The following PRDM15 variants were observed in gnomAD, a reference collection of about 807,000 sequenced individuals.
PRDM15 encodes the protein PR domain zinc finger protein 15.
Under a neutral mutation model 128.6 loss-of-function variants are expected in PRDM15, and 64 were observed. The observed-to-expected ratio is 0.50, with a 90% CI of 0.41 to 0.61. PRDM15 has a LOEUF of 0.61. Among genes scored for constraint, PRDM15 ranks in the 20% least tolerant of loss-of-function variants. The pLI, the probability that PRDM15 is intolerant of heterozygous loss-of-function variation, is 0.00. For synonymous variants in PRDM15, 615 were observed against 621.8 expected (o/e 0.99, Z 0.16); for missense variants, 1,242 against 1,569.1 (o/e 0.79, Z 3.52).
intron 6 of PRDM15, among the ~76,000 whole-genome samples, chr21:41,844,582 C>T: frequency 1.1e-5 from 1 of 89,876 alleles, no homozygotes; most frequent in Admixed American, 1.1e-4. Flanking sequence ...AGCCCCTCCC[C>T]CCTCACAGGG....
chr21:41,822,145 CCT>C (rs1280556390), intron 14 of PRDM15, 108 bp from the exon 15 acceptor site: 4 of 1,478,506 alleles, frequency 2.7e-6, no homozygotes, highest in South Asian at 2.3e-5. Context: ...GAAGAAAATG[CCT>C]CTCTGATGCC....
chr21:41,873,652 T>C (rs757196471), intron 1 of PRDM15, among the ~76,000 whole-genome samples: 6 of 152,362 alleles, frequency 3.9e-5, no homozygotes, highest in African/African-American at 1.4e-4. Flanking sequence ...GTTCTCACTT[T>C]CTGAACCTCT....
In PRDM15 at chr21:41,835,430, C is replaced by A; in HGVS notation, c.1366+7G>T. ...CGGCCGAGGGGAGACGTGACCGGCG[C>A]CCTCACCTGTCCTGCAGTTGTGGAA... On this transcript the variant is annotated splice_region_variant and intron_variant, in intron 11 of 23. Transcript: ENST00000398548. 1.2e-6 allele frequency: 2 copies of A among 1,604,536 alleles called. No individual in the cohort carries two copies. The highest frequency in any genetic ancestry group is 1.7e-6 in the Non-Finnish European group (2 of 1,177,200).
chr21:41,858,879 C>T (rs2063721494), intron 3 of PRDM15: 1 of 599,244 alleles, frequency 1.7e-6, no homozygotes. Flanking sequence ...TGGGGAGGCT[C>T]CTGGAAACAG....
intron 18 of PRDM15, 98 bp downstream of exon 18, chr21:41,819,484 T>G: frequency 5.8e-5 from 14 of 242,694 alleles, no homozygotes; most frequent in Non-Finnish European, 8.6e-5. Context: ...CACACCCACC[T>G]TCCCCACACT....
chr21:41,801,296 C>T lies in PRDM15; in HGVS notation c.3370G>A (p.Ala1124Thr). 1.9e-6 allele frequency: 3 copies of T among 1,560,858 alleles called. No individual in the cohort carries two copies. The South Asian group carries it at 3.7e-5, about 19-fold the overall frequency. The part of the protein sequence containing the change: ...PSQPQAPPQQ[A>T]AQPQVQAEQQ... ...TCCGCCTGCACCTGGGGCTGGGCCGCCTGCTGTGGGGGTGCCTGCGGCTGC... is the reference window on the plus strand; with the variant it reads ...TCCGCCTGCACCTGGGGCTGGGCCGTCTGCTGTGGGGGTGCCTGCGGCTGC... Residue 1124 changes from alanine (A) to threonine (T), a missense_variant, in exon 24 of 24, where the codon GCG becomes ACG. Ala to Thr is a moderately conservative substitution (Grantham distance 58, BLOSUM62 0). Transcript: ENST00000398548.
rs2061828925 is a variant in PRDM15 at position 41,810,450 on chromosome 21, C to T, written c.2477-121G>A. 8.5e-7 allele frequency: 1 copy of T among 1,173,804 alleles called. No homozygotes were observed. The highest frequency in any genetic ancestry group is 1.2e-6 in the Non-Finnish European group (1 of 835,616). 72.7% of individuals were successfully genotyped at this position (1,173,804 alleles called of 1,614,324 possible). The stretch of plus-strand genomic sequence containing the variant: ...GGCAAGAAGCCTGTCACGCCCCGCC[C>T]ATCCTGAGAGGGCCGGTGCTGGTCC... On this transcript the variant is annotated intron_variant, in intron 20 of 23. Transcript: ENST00000398548. The surrounding 1 kb of genome is among the most constrained non-coding windows in gnomAD (Gnocchi z 6.4).
At chr21:41,823,601 G>A in intron 13 of PRDM15, 152 bp from the exon 14 acceptor site, 1 of 764,302 alleles carries the variant, frequency 1.3e-6, no homozygotes, top group Non-Finnish European at 2.0e-6. Flanking sequence ...GTGTGTGAGA[G>A]ACACAAATAA....
chr21:41,834,387 C>T, intron 11 of PRDM15: 2 of 885,810 alleles, frequency 2.3e-6, no homozygotes, highest in Non-Finnish European at 3.6e-6. Flanking sequence ...GAGTCCGCTG[C>T]TGCAGGTGCC....
At chr21:41,823,202 C>T (rs956938774) in intron 14 of PRDM15, 116 bp downstream of exon 14, 2 of 1,318,280 alleles carry the variant, frequency 1.5e-6, no homozygotes, top group African/African-American at 1.5e-5. Flanking sequence ...GTGAGCAGCA[C>T]ATGTCTGCCC....
chr21:41,857,950 A>T (rs2063688251), intron 3 of PRDM15, among the ~76,000 whole-genome samples: 1 of 151,994 alleles, frequency 6.6e-6, no homozygotes, highest in Admixed American at 6.6e-5. Flanking sequence ...GCACTGAAGG[A>T]TGGGTTTAAT....
intron 6 of PRDM15, among the ~76,000 whole-genome samples, chr21:41,840,544 T>G (rs1601328427): frequency 6.7e-6 from 1 of 150,310 alleles, no homozygotes; most frequent in South Asian, 2.1e-4. Context: ...CCAGAGTGCA[T>G]GGAAGGACCA....
At position 41,879,083 on chromosome 21, in the gene PRDM15, A is replaced by C. The variant is rs2064541630; in HGVS notation, c.-10+187T>G. 1.8e-6 allele frequency: 2 copies of C among 1,129,136 alleles called. No individual in the cohort carries two copies. The highest frequency in any genetic ancestry group is 1.9e-5 in the South Asian group (1 of 51,532). 69.9% of individuals were successfully genotyped at this position (1,129,136 alleles called of 1,614,324 possible). On this transcript the variant is annotated intron_variant, in intron 1 of 23. Coordinates refer to ENST00000398548, the MANE Select transcript of PRDM15 (RefSeq NM_001040424.3). This position sits in a 1 kb window ranked among gnomAD's most constrained non-coding sequence, Gnocchi z 5.1. ...GACTCCGATCGCCAACGGTGCCCGC[A>C]GCCGGCGAATGTAACAAAGAACAGT...
chr21:41,826,151 G>T, intron 12 of PRDM15, 97 bp from the exon 13 acceptor site: 2 of 952,724 alleles, frequency 2.1e-6, no homozygotes, highest in East Asian at 2.5e-5. Flanking sequence ...TCCAGCGCAC[G>T]GGAGGACAGG....
chr21:41,806,739 ACCACCACCATCACCACCG>A (rs1213595991), intron 21 of PRDM15, among the ~76,000 whole-genome samples: 1 of 132,248 alleles, frequency 7.6e-6, no homozygotes, highest in Non-Finnish European at 1.6e-5. Flanking sequence ...CCATCACCAT[ACCACCACCATCACCACCG>A]CCACCACCAT....
intron 11 of PRDM15, among the ~76,000 whole-genome samples, chr21:41,833,672 G>A (rs1304868980): frequency 6.6e-6 from 1 of 152,204 alleles, no homozygotes; most frequent in Non-Finnish European, 1.5e-5. Flanking sequence ...CTCAGGGGAA[G>A]AGGTGGTGCG....
At position 41,854,981 on chromosome 21, in the gene PRDM15, G is replaced by C. The variant is rs919922435; in HGVS notation, c.286-163C>G. On this transcript the variant is annotated intron_variant, in intron 4 of 23. Coordinates refer to ENST00000398548, the MANE Select transcript of PRDM15 (RefSeq NM_001040424.3). The surrounding 1 kb of genome is among the most constrained non-coding windows in gnomAD (Gnocchi z 4.6). ...GTTGAGGTGTTTACAATAGTGAGGA[G>C]GGTCACAGGTAGACCATGTGGTTTG... Among the ~76,000 whole-genome samples, 14 of 152,246 alleles carry C rather than the reference G, an allele frequency of 9.2e-5. No individual in the cohort carries two copies. Among genetic ancestry groups the C allele is most frequent in the Non-Finnish European group, 1.9e-4 (13 of 68,048 alleles).
At chr21:41,849,433 G>C (rs2063360997) in intron 5 of PRDM15, among the ~76,000 whole-genome samples, 1 of 152,076 alleles carries the variant, frequency 6.6e-6, no homozygotes, top group African/African-American at 2.4e-5. Flanking sequence ...GCCAGGCGTG[G>C]TGGCATGCGC....
rs1001155513 is a variant in PRDM15 at position 41,839,704 on chromosome 21, T to C, written c.790A>G (p.Lys264Glu). The change falls in exon 7 of 24, where the codon AAA becomes GAA. Residue 264 changes from lysine (K) to glutamate (E), a missense_variant. Lys to Glu is a moderately conservative substitution (Grantham distance 56). Around this residue, in one of 3 missense-constraint regions of PRDM15, gnomAD observed 612 missense variants for 717.0 expected, o/e 0.85. Transcript: ENST00000398548. Reference sequence around the variant, plus strand: ...GGTTTTCTCCCCCTTCGAGGCTTTTTCTTCTGTTCTTTGGTGGCAACATTC... The same window carrying C: ...GGTTTTCTCCCCCTTCGAGGCTTTTCCTTCTGTTCTTTGGTGGCAACATTC... ...SENVATKEQK[K>E]KPRRGRKPKV... 1 of 1,614,266 alleles carries C rather than the reference T, an allele frequency of 6.2e-7. No homozygotes were observed. Among genetic ancestry groups the C allele is most frequent in the Non-Finnish European group, 8.5e-7 (1 of 1,180,044 alleles).
Sources: allele counts gnomAD v4.1 joint callset (sites outside exome capture counted in the v4.1 genomes callset), GRCh38; gene constraint gnomAD v4.1.1; regional missense constraint gnomAD v4.1.1; non-coding constraint Gnocchi (gnomAD v3.1); transcripts MANE v1.5; gene names NCBI Gene and HGNC (gene_info 2026-07-23, HGNC 2026-07-21).